The following KAZN variants were observed in gnomAD, a reference collection of about 807,000 sequenced individuals.
KAZN encodes kazrin, periplakin interacting protein, also known as kazrin.
A neutral mutation model predicts 87.4 loss-of-function variants in KAZN; 40 were observed. That is an observed-to-expected ratio of 0.46 (90% CI 0.36 to 0.60). The LOEUF (loss-of-function observed/expected upper bound fraction) is 0.60. Among genes scored for constraint, KAZN ranks in the 20% least tolerant of loss-of-function variants. The pLI is 0.00. For synonymous variants in KAZN, 466 were observed against 458.3 expected, an observed-to-expected ratio of 1.02 and a Z score of -0.22; for missense variants, 898 against 1,073.9, an observed-to-expected ratio of 0.84 and a Z score of 2.29.
rs192532876 is a variant in KAZN at position 14,761,141 on chromosome 1, G to A, written c.226+161918G>A. ...CTCTCCCCAGTCATTTGCTCCTGCCGCACTGGCTGGAGAATCCCAGCATTT... is the reference window on the plus strand; with the variant it reads ...CTCTCCCCAGTCATTTGCTCCTGCCACACTGGCTGGAGAATCCCAGCATTT... On this transcript the variant is annotated intron_variant, in intron 1 of 14. Coordinates refer to ENST00000376030, the MANE Select transcript of KAZN (RefSeq NM_201628.3). 3.0e-3 allele frequency among the ~76,000 whole-genome samples: 460 copies of A among 152,142 alleles called. 3 individuals are homozygous for A. The highest frequency in any genetic ancestry group is 0.01 in the African/African-American group (417 of 41,516).
chr1:14,292,010 G>A (rs553048061), intron 2 of KAZN, among the ~76,000 whole-genome samples: 26 of 152,160 alleles, frequency 1.7e-4, no homozygotes, highest in African/African-American at 3.4e-4. Flanking sequence ...ACCCAGTCTC[G>A]GGTATTTCTT....
intron 1 of KAZN, among the ~76,000 whole-genome samples, chr1:14,642,270 C>T (rs760517143): frequency 6.6e-5 from 10 of 152,112 alleles, no homozygotes; most frequent in African/African-American, 2.2e-4. Flanking sequence ...CGTGGTGGCG[C>T]GTGCCTGTAG....
At chr1:14,976,083 T>C (rs1162160398) in intron 2 of KAZN, among the ~76,000 whole-genome samples, 1 of 136,134 alleles carries the variant, frequency 7.3e-6, no homozygotes, top group Non-Finnish European at 1.6e-5. Context: ...CTCTCAGACC[T>C]GCGCGGTGAG....
intron 2 of KAZN, among the ~76,000 whole-genome samples, chr1:14,186,441 T>C (rs1322560115): frequency 6.6e-6 from 1 of 152,116 alleles, no homozygotes; most frequent in Admixed American, 6.6e-5. Context: ...AAGCATTACA[T>C]CTCAGAAAAG....
intron 2 of KAZN, among the ~76,000 whole-genome samples, chr1:14,367,598 T>A (rs1321818626): frequency 1.3e-5 from 2 of 152,170 alleles, no homozygotes; most frequent in Non-Finnish European, 2.9e-5. Context: ...CTGGTCACCC[T>A]TGTCGTTTCT....
At chr1:15,022,705 T>C (rs1231407160) in intron 2 of KAZN, among the ~76,000 whole-genome samples, 1 of 152,140 alleles carries the variant, frequency 6.6e-6, no homozygotes, top group African/African-American at 2.4e-5. Context: ...AGTTGGGAAT[T>C]TTCTCAAAAC....
chr1:14,686,712 G>A (rs1449984700), intron 1 of KAZN, among the ~76,000 whole-genome samples: 11 of 152,268 alleles, frequency 7.2e-5, no homozygotes, highest in Non-Finnish European at 4.4e-5. Flanking sequence ...CCTGGCACTG[G>A]CCCTGGCTTC....
intron 1 of KAZN, among the ~76,000 whole-genome samples, chr1:13,955,504 G>C (rs1352780053): frequency 6.6e-6 from 1 of 151,868 alleles, no homozygotes; most frequent in South Asian, 2.1e-4. Context: ...TGGGATTTTA[G>C]ACTTTAGGGA....
At chr1:14,464,117 A>T (rs1218408048) in intron 2 of KAZN, among the ~76,000 whole-genome samples, 1 of 152,230 alleles carries the variant, frequency 6.6e-6, no homozygotes, top group African/African-American at 2.4e-5. Context: ...CTTTCAGAAC[A>T]TTAATCCACG....
At chr1:13,940,096 T>C (rs1418283023) in intron 1 of KAZN, among the ~76,000 whole-genome samples, 1 of 152,198 alleles carries the variant, frequency 6.6e-6, no homozygotes, top group African/African-American at 2.4e-5. Flanking sequence ...GTAGTTTTCT[T>C]TTTTTGTTGC....
chr1:14,913,748 A>G (rs1427866663), intron 1 of KAZN, among the ~76,000 whole-genome samples: 20 of 152,148 alleles, frequency 1.3e-4, no homozygotes, highest in Admixed American at 1.3e-3. Flanking sequence ...CTCTGCCTTG[A>G]GTTGGAGAAG....
In KAZN at chr1:14,758,735, C is replaced by T. The variant is rs1371457746; in HGVS notation, c.226+159512C>T. ...TTTTGACCTCTCTGCTCTCCCAATG[C>T]TTGTGCCTCCATTCTTGGGATGGGT... On this transcript the variant is annotated intron_variant, in intron 1 of 14. Coordinates refer to ENST00000376030, the MANE Select transcript of KAZN (RefSeq NM_201628.3). 2.0e-5 allele frequency among the ~76,000 whole-genome samples: 3 copies of T among 152,128 alleles called. No individual in the cohort carries two copies. The East Asian group carries it at 5.8e-4, about 29-fold the overall frequency.
At chr1:14,295,256 T>G (rs1485994597) in intron 2 of KAZN, among the ~76,000 whole-genome samples, 1 of 152,246 alleles carries the variant, frequency 6.6e-6, no homozygotes, top group Non-Finnish European at 1.5e-5. Context: ...TGTTTGCCTC[T>G]AGGCTCAAGC....
intron 1 of KAZN, among the ~76,000 whole-genome samples, chr1:14,141,961 A>T (rs924995666): frequency 1.3e-5 from 2 of 151,874 alleles, no homozygotes; most frequent in African/African-American, 4.8e-5. Context: ...GAGAATTGAT[A>T]TTTTTTCCCC....
intron 1 of KAZN, among the ~76,000 whole-genome samples, chr1:14,704,729 A>G (rs940775585): frequency 6.6e-6 from 1 of 152,180 alleles, no homozygotes; most frequent in Non-Finnish European, 1.5e-5. Context: ...TCCCTGCCAC[A>G]GGAGGGAACC....
intron 1 of KAZN, among the ~76,000 whole-genome samples, chr1:14,934,628 A>G (rs993069415): frequency 1.3e-5 from 2 of 152,004 alleles, no homozygotes; most frequent in Non-Finnish European, 2.9e-5. Context: ...TTCCTTCAGT[A>G]TGAGACAGAT....
intron 1 of KAZN, among the ~76,000 whole-genome samples, chr1:14,104,042 T>A (rs1214782251): frequency 6.6e-6 from 1 of 152,194 alleles, no homozygotes; most frequent in African/African-American, 2.4e-5. Flanking sequence ...TGGGGGTTAC[T>A]GGAGACAGCG....
At chr1:14,349,928 A>T (rs1328420617) in intron 2 of KAZN, among the ~76,000 whole-genome samples, 1 of 152,026 alleles carries the variant, frequency 6.6e-6, no homozygotes, top group Non-Finnish European at 1.5e-5. Context: ...CGAGTTCAGG[A>T]GATCGAGACT....
intron 2 of KAZN, among the ~76,000 whole-genome samples, chr1:14,298,459 A>G (rs371166907): frequency 5.2e-4 from 79 of 152,356 alleles, no homozygotes; most frequent in African/African-American, 1.7e-3. Flanking sequence ...GTTGAACACA[A>G]TGCAGTTCTT....
Sources: gnomAD v4.1 joint callset for allele counts (sites outside exome capture counted in the v4.1 genomes callset) on GRCh38, gnomAD v4.1.1 for gene constraint, MANE v1.5 for transcripts, NCBI Gene and HGNC (gene_info 2026-07-23, HGNC 2026-07-21) for gene names.